The following VPS13B variants were observed in gnomAD, a reference collection of about 807,000 sequenced individuals.
The protein encoded by VPS13B is vacuolar protein sorting 13 homolog B.
VPS13B carries 285 observed loss-of-function variants against 426.4 expected under a neutral mutation model. The ratio of observed to expected loss-of-function variants is 0.67; its 90% CI spans 0.61 to 0.74. The LOEUF (loss-of-function observed/expected upper bound fraction) is 0.74, where lower values mean the gene tolerates loss of function less well. Among genes scored for constraint, VPS13B ranks in the 30% least tolerant of loss-of-function variants. VPS13B has a pLI of 0.00. For missense variants in VPS13B, 4,537 were observed against 4,782.6 expected (o/e 0.95, Z 1.51); for synonymous variants, 1,676 against 1,676.4 (o/e 1.00, Z 0.01).
intron 33 of VPS13B, among the ~76,000 whole-genome samples, chr8:99,635,199 A>G (rs367708263): frequency 3.2e-4 from 49 of 152,074 alleles, no homozygotes; most frequent in African/African-American, 1.1e-3. Flanking sequence ...TTTTTACTGT[A>G]TTTGTTAGAT....
rs796144382 is a variant in VPS13B at position 99,444,738 on chromosome 8, C to T, written c.3445+2103C>T. Among the ~76,000 whole-genome samples the T allele has an allele frequency of 1.3e-3, 192 of 152,140 alleles. 2 individuals are homozygous for T. The highest frequency in any genetic ancestry group is 4.3e-3 in the African/African-American group (179 of 41,522). ...AGGCTGAAGTGCAGTGGTGCAATCA[C>T]GGCTCACTGCCGCCTTGACCGCCGG... On this transcript the variant is annotated intron_variant, in intron 23 of 61. Coordinates refer to ENST00000357162, the MANE Select transcript of VPS13B (RefSeq NM_152564.5).
rs148208438 is a variant in VPS13B, at chr8:99,394,633, C to T, written c.3082+2929C>T. Reference sequence around the variant, plus strand: ...CCTAAGAGCTATGCCATTTGTTTACCCTAGGTTTTGAAATGTTATAAACCT... The same window carrying T: ...CCTAAGAGCTATGCCATTTGTTTACTCTAGGTTTTGAAATGTTATAAACCT... On this transcript the variant is annotated intron_variant, in intron 21 of 61. Coordinates refer to ENST00000357162, the MANE Select transcript of VPS13B (RefSeq NM_152564.5). 5.4e-4 allele frequency among the ~76,000 whole-genome samples: 82 copies of T among 152,118 alleles called. 1 individual carries two copies. The Middle Eastern group carries it at 0.014, about 25-fold the overall frequency.
Position 99,156,678 on chromosome 8 carries a change from G to T in VPS13B, c.2143G>T (p.Val715Phe). Residue 715 changes from valine to phenylalanine, a missense_variant, in exon 15 of 62, where the codon GTC (valine) becomes TTC (phenylalanine). By Grantham distance (50) the Val-to-Phe change is conservative. Around this residue, in one of 2 missense-constraint regions of VPS13B, gnomAD observed 4,311 missense variants for 4,474.3 expected, o/e 0.96. Transcript: ENST00000357162. ...GTATGCTGAACAGTTGGTGCATGTG[G>T]TCAGCAGCCTTACTCAACCTTCTGA... ...PMYAEQLVHVVSSLTQPSDNL... is the reference protein window; with the variant it reads ...PMYAEQLVHVFSSLTQPSDNL... 6.2e-7 allele frequency: 1 copy of T among 1,614,046 alleles called. No individual in the cohort carries two copies. The highest frequency in any genetic ancestry group is 1.1e-5 in the South Asian group (1 of 91,078).
At chr8:99,153,790 T>C (rs1811203577) in intron 14 of VPS13B, among the ~76,000 whole-genome samples, 1 of 152,124 alleles carries the variant, frequency 6.6e-6, no homozygotes, top group South Asian at 2.1e-4. Flanking sequence ...ATGCTGTTTT[T>C]TTTTATGTAG....
At chr8:99,767,653 G>T (rs1203166435) in intron 40 of VPS13B, among the ~76,000 whole-genome samples, 1 of 152,160 alleles carries the variant, frequency 6.6e-6, no homozygotes, top group Non-Finnish European at 1.5e-5. Context: ...AGCTGGCCGG[G>T]CACAGTGGCT....
chr8:99,838,847 T>G (rs1045778879), intron 54 of VPS13B, among the ~76,000 whole-genome samples: 1 of 151,874 alleles, frequency 6.6e-6, no homozygotes, highest in African/African-American at 2.4e-5. Context: ...GGCAAGAGAG[T>G]AGGGAATCTT....
chr8:99,044,091 T>A (rs1843095136), intron 3 of VPS13B, among the ~76,000 whole-genome samples: 1 of 140,912 alleles, frequency 7.1e-6, no homozygotes, highest in African/African-American at 2.6e-5. Context: ...TTTCTTTTTT[T>A]TTTTTTTTTT....
chr8:99,349,352 A>AAAT (rs1811738817), intron 19 of VPS13B, among the ~76,000 whole-genome samples: 1 of 149,928 alleles, frequency 6.7e-6, no homozygotes, highest in Non-Finnish European at 1.5e-5. Context: ...AAAAAAAAAA[A>AAAT]AAAGAAAATA....
chr8:99,418,528 CT>C lies in VPS13B; in HGVS notation c.3083-13008del, dbSNP rs1373640271. 3.4e-3 allele frequency among the ~76,000 whole-genome samples: 328 copies of C among 96,890 alleles called. 2 individuals are homozygous for C. The highest frequency in any genetic ancestry group is 0.013 in the African/African-American group (310 of 24,558). The allele number at this position is 96,890 out of a possible 152,430, so 63.6% of individuals were successfully genotyped here. ...CTTTCTTTCTTTCCTTTCTTTCTTTCTCTTTCTTTTCTTTTCTTTTCTTTTC... is the reference window on the plus strand; with the variant it reads ...CTTTCTTTCTTTCCTTTCTTTCTTTCCTTTCTTTTCTTTTCTTTTCTTTTC... On this transcript the variant is annotated intron_variant, in intron 21 of 61. Coordinates refer to ENST00000357162, the MANE Select transcript of VPS13B (RefSeq NM_152564.5).
chr8:99,626,833 C>T (rs1480484136), intron 33 of VPS13B, among the ~76,000 whole-genome samples: 1 of 152,170 alleles, frequency 6.6e-6, no homozygotes, highest in African/African-American at 2.4e-5. Context: ...CTCCCATATT[C>T]ATTGCTGCAT....
chr8:99,056,576 A>C (rs1014108780), intron 3 of VPS13B, among the ~76,000 whole-genome samples: 1 of 152,192 alleles, frequency 6.6e-6, no homozygotes, highest in Non-Finnish European at 1.5e-5. Flanking sequence ...GCAGTGGTGA[A>C]AATGGGCATC....
intron 39 of VPS13B, among the ~76,000 whole-genome samples, chr8:99,742,150 C>A (rs1809766272): frequency 6.6e-6 from 1 of 152,170 alleles, no homozygotes; most frequent in Admixed American, 6.5e-5. Context: ...GACATCACCA[C>A]CGATCCCACA....
At chr8:99,350,470 G>T (rs1187805356) in intron 19 of VPS13B, among the ~76,000 whole-genome samples, 2 of 152,144 alleles carry the variant, frequency 1.3e-5, no homozygotes, top group African/African-American at 4.8e-5. Flanking sequence ...TGTTGTAGCA[G>T]TTCTTATGAG....
intron 30 of VPS13B, among the ~76,000 whole-genome samples, chr8:99,526,589 A>C (rs1822655619): frequency 6.6e-6 from 1 of 152,190 alleles, no homozygotes. Flanking sequence ...TCAGTTATAT[A>C]TGGCCTAAAC....
intron 5 of VPS13B, among the ~76,000 whole-genome samples, chr8:99,109,600 T>A (rs1847254316): frequency 6.6e-6 from 1 of 152,084 alleles, no homozygotes; most frequent in African/African-American, 2.4e-5. Context: ...CCAGGCTGGT[T>A]TTGAACTCCT....
At chr8:99,221,475 G>T (rs1489075153) in intron 17 of VPS13B, among the ~76,000 whole-genome samples, 2 of 152,080 alleles carry the variant, frequency 1.3e-5, no homozygotes, top group Non-Finnish European at 1.5e-5. Flanking sequence ...GAAAAGGAGA[G>T]AAATGTTAAT....
chr8:99,821,247 A>G (rs770989808), intron 49 of VPS13B, 47 bp from the exon 50 acceptor site: 3 of 1,601,256 alleles, frequency 1.9e-6, no homozygotes, highest in Non-Finnish European at 2.6e-6. Context: ...AGTAAAAAAT[A>G]TCAAAGGTAA....
At chr8:99,537,487 C>T (rs1453191026) in intron 30 of VPS13B, among the ~76,000 whole-genome samples, 1 of 152,092 alleles carries the variant, frequency 6.6e-6, no homozygotes, top group Non-Finnish European at 1.5e-5. Context: ...CATAGTTTAA[C>T]CCTCAAAGAA....
intron 29 of VPS13B, among the ~76,000 whole-genome samples, chr8:99,513,996 C>T (rs1821926430): frequency 6.6e-6 from 1 of 152,106 alleles, no homozygotes; most frequent in African/African-American, 2.4e-5. Context: ...TTCTGAAAGT[C>T]TTTGGTATTT....
Sources: gnomAD v4.1 joint callset for allele counts (sites outside exome capture counted in the v4.1 genomes callset) on GRCh38, gnomAD v4.1.1 for gene constraint, gnomAD v4.1.1 regional missense constraint, MANE v1.5 for transcripts, NCBI Gene and HGNC (gene_info 2026-07-23, HGNC 2026-07-21) for gene names.